The following ANKRD62 variants were observed in gnomAD, a reference collection of about 807,000 sequenced individuals.
ANKRD62 encodes ankyrin repeat domain 62.
A neutral mutation model predicts 98.8 loss-of-function variants in ANKRD62; 61 were observed. That is an observed-to-expected ratio of 0.62 (90% CI 0.50 to 0.76). ANKRD62 has a LOEUF of 0.76. ANKRD62 is among the 30% of genes least tolerant of loss of function. The probability of loss-of-function intolerance (pLI) is 0.00; values close to 1 mark genes in which losing one functional copy is unlikely to be tolerated. For missense variants in ANKRD62, 933 were observed against 1,082.9 expected (o/e 0.86, Z 1.94); for synonymous variants, 341 against 367.9 (o/e 0.93, Z 0.84).
chr18:12,102,604 T>C, intron 6 of ANKRD62: 1 of 494,490 alleles, frequency 2.0e-6, no homozygotes. Flanking sequence ...AAACTGTTTG[T>C]CTGGGGAAAG....
chr18:12,123,351 C>G (rs928159802), intron 11 of ANKRD62, among the ~76,000 whole-genome samples: 1 of 152,032 alleles, frequency 6.6e-6, no homozygotes, highest in Non-Finnish European at 1.5e-5. Flanking sequence ...CCACGCCTGG[C>G]CCAGTTTTAC....
intron 10 of ANKRD62, among the ~76,000 whole-genome samples, chr18:12,117,804 G>T (rs1909696480): frequency 6.6e-6 from 1 of 152,084 alleles, no homozygotes; most frequent in Middle Eastern, 3.2e-3. Context: ...GCAGTCCTGG[G>T]AAAAAACCCC....
intron 8 of ANKRD62, among the ~76,000 whole-genome samples, chr18:12,111,491 G>A (rs1229942116): frequency 6.6e-6 from 1 of 152,162 alleles, no homozygotes; most frequent in African/African-American, 2.4e-5. Context: ...CCCTTGAAAA[G>A]TGGCACTAGA....
At chr18:12,170,617 G>C in the ANKRD62 span, among the ~76,000 whole-genome samples, 1 of 152,178 alleles carries the variant, frequency 6.6e-6, no homozygotes, top group East Asian at 1.9e-4. Context: ...TTGATTTGGG[G>C]TGGAGAGTTC....
the ANKRD62 span, among the ~76,000 whole-genome samples, chr18:12,145,636 C>T: frequency 6.6e-6 from 1 of 152,206 alleles, no homozygotes; most frequent in Non-Finnish European, 1.5e-5. Flanking sequence ...TTCAGCTACT[C>T]TTGCCAGTGG....
At chr18:12,117,123 T>C (rs1461562270) in intron 10 of ANKRD62, among the ~76,000 whole-genome samples, 1 of 152,212 alleles carries the variant, frequency 6.6e-6, no homozygotes, top group Non-Finnish European at 1.5e-5. Context: ...AACTCACTTA[T>C]TAGTCCTGGT....
chr18:12,137,681 A>C, the ANKRD62 span, among the ~76,000 whole-genome samples: 1 of 151,976 alleles, frequency 6.6e-6, no homozygotes, highest in Non-Finnish European at 1.5e-5. Flanking sequence ...CTGGTTCTGG[A>C]CTTTTTTTGG....
chr18:12,171,488 G>A, the ANKRD62 span, among the ~76,000 whole-genome samples: 6 of 152,196 alleles, frequency 3.9e-5, 1 homozygote, highest in Admixed American at 3.3e-4. Context: ...TGGCTTGTAG[G>A]GTTTCTGCCG....
the ANKRD62 span, among the ~76,000 whole-genome samples, chr18:12,154,030 C>G: frequency 6.6e-6 from 1 of 152,230 alleles, no homozygotes; most frequent in Non-Finnish European, 1.5e-5. Context: ...CAATACCATC[C>G]CAGACATTGG....
the ANKRD62 span, among the ~76,000 whole-genome samples, chr18:12,170,285 C>A: frequency 6.6e-6 from 1 of 152,176 alleles, no homozygotes; most frequent in African/African-American, 2.4e-5. Context: ...AAATTTCCCT[C>A]TACACACTGC....
At chr18:12,120,483 A>G (rs1476460951) in intron 10 of ANKRD62, among the ~76,000 whole-genome samples, 1 of 152,152 alleles carries the variant, frequency 6.6e-6, no homozygotes, top group Admixed American at 6.5e-5. Flanking sequence ...AAGTGTTAGC[A>G]CGTATCTTTT....
Position 12,094,224 on chromosome 18 carries a change from C to G in ANKRD62, c.207C>G (p.Asp69Glu). 6.6e-7 allele frequency: 1 copy of G among 1,524,666 alleles called. No individual in the cohort carries two copies. The highest frequency in any genetic ancestry group is 1.2e-5 in the South Asian group (1 of 83,270). 94.4% of individuals were successfully genotyped at this position (1,524,666 alleles called of 1,614,324 possible). The change falls in exon 1 of 14, where the codon GAC (aspartate) becomes GAG (glutamate). Residue 69 changes from aspartate to glutamate, a missense_variant. Coordinates refer to ENST00000587848, the MANE Select transcript of ANKRD62 (RefSeq NM_001277333.2). ...GGCTGAATGACTTGAACGACAGGGACAAGAAGAACAGGTAAGGGGAACAGG... is the reference window on the plus strand; with the variant it reads ...GGCTGAATGACTTGAACGACAGGGAGAAGAAGAACAGGTAAGGGGAACAGG... ...LLRLNDLNDRDKKNRTALLLA... is the reference protein window; with the variant it reads ...LLRLNDLNDREKKNRTALLLA...
chr18:12,115,001 A>G, intron 8 of ANKRD62, 87 bp from the exon 9 acceptor site: 1 of 998,348 alleles, frequency 1.0e-6, no homozygotes, highest in Non-Finnish European at 1.3e-6. Flanking sequence ...ACAAACACAG[A>G]GATTTTATAT....
chr18:12,101,931 C>T, intron 6 of ANKRD62: 1 of 801,280 alleles, frequency 1.2e-6, no homozygotes, highest in Non-Finnish European at 2.2e-6. Context: ...AGTTGAATGG[C>T]ATGACAAAGC....
chr18:12,150,387 A>G, the ANKRD62 span, among the ~76,000 whole-genome samples: 1 of 152,250 alleles, frequency 6.6e-6, no homozygotes, highest in African/African-American at 2.4e-5. Flanking sequence ...CTATTTCAGT[A>G]TATTGTCTAT....
chr18:12,105,408 A>G lies in ANKRD62; in HGVS notation c.892-1887A>G, dbSNP rs138346192. ...GACTTAAGAATGAGGCACGCATATT[A>G]CAACTAGAGTTCCAGCCCTTGTGGC... On this transcript the variant is annotated intron_variant, in intron 7 of 13. Coordinates refer to ENST00000587848, the MANE Select transcript of ANKRD62 (RefSeq NM_001277333.2). Among the ~76,000 whole-genome samples the G allele has an allele frequency of 3.1e-3, 474 of 152,346 alleles. 3 individuals are homozygous for G. Among genetic ancestry groups the G allele is most frequent in the African/African-American group, 9.9e-3 (413 of 41,578 alleles).
intron 10 of ANKRD62, among the ~76,000 whole-genome samples, chr18:12,116,368 T>C (rs1445952748): frequency 6.6e-6 from 1 of 152,248 alleles, no homozygotes; most frequent in Non-Finnish European, 1.5e-5. Flanking sequence ...GCCATTCTTA[T>C]GGGTGTGGTT....
the ANKRD62 span, among the ~76,000 whole-genome samples, chr18:12,139,513 G>A: frequency 6.6e-6 from 1 of 152,062 alleles, no homozygotes; most frequent in South Asian, 2.1e-4. Context: ...GGACGTGGTG[G>A]CAGGCACCTG....
the ANKRD62 span, among the ~76,000 whole-genome samples, chr18:12,166,416 G>A: frequency 1.3e-5 from 2 of 151,990 alleles, no homozygotes; most frequent in East Asian, 1.9e-4. Flanking sequence ...CTGCTATTAA[G>A]AGACTCTTAT....
Sources: gnomAD v4.1 joint callset for allele counts (sites outside exome capture counted in the v4.1 genomes callset) on GRCh38, gnomAD v4.1.1 for gene constraint, MANE v1.5 for transcripts, NCBI Gene and HGNC (gene_info 2026-07-23, HGNC 2026-07-21) for gene names.